The following WWC1 variants were observed in gnomAD, a reference collection of about 807,000 sequenced individuals.
The protein encoded by WWC1 is protein KIBRA.
In WWC1, 55 loss-of-function variants were observed where a neutral mutation model predicts 138.4. The ratio of observed to expected loss-of-function variants is 0.40; its 90% CI spans 0.32 to 0.50. The LOEUF is 0.50. Ranked by LOEUF, WWC1 falls within the 20% of genes least tolerant of loss-of-function variation. The pLI, the probability that WWC1 is intolerant of heterozygous loss-of-function variation, is 0.72. For synonymous variants in WWC1, 524 were observed against 564.9 expected (o/e 0.93, Z 1.03); for missense variants, 1,226 against 1,420.4 (o/e 0.86, Z 2.20).
chr5:168,343,007 A>C (rs1394341704), intron 1 of WWC1, among the ~76,000 whole-genome samples: 1 of 152,108 alleles, frequency 6.6e-6, no homozygotes, highest in Non-Finnish European at 1.5e-5. Flanking sequence ...CCAAGGAAGG[A>C]TTGGGCTCCC....
Position 168,414,658 on chromosome 5 carries a change from G to C in WWC1, c.1184+68G>C, listed in dbSNP as rs1780467184. 3 of 1,475,316 alleles carry C rather than the reference G, an allele frequency of 2.0e-6. No homozygotes were observed. In the Admixed American group the frequency reaches 7.6e-5, roughly 37 times the overall value. 91.4% of individuals were successfully genotyped at this position (1,475,316 alleles called of 1,614,324 possible). A position where few individuals can be genotyped will look rare whatever the true frequency, so the allele number is the denominator to read the frequency against. On this transcript the variant is annotated intron_variant, in intron 9 of 22. Transcript: ENST00000265293. ...GGCAGTCTGTCCTCAGCCCCCAGAT[G>C]GGGGAAGAATGAGGGGGCTCCGGGC...
rs1379097181 is a variant in WWC1, at chr5:168,408,546, G to A, written c.760G>A (p.Gly254Arg). ...MLKDGFRTDR[G>R]SHSDLWSSSS... ...GAAGGACGGCTTCCGCACTGACAGG[G>A]GGTCTCACTCAGACCTGTGGTCCAG... is the stretch of plus-strand genomic sequence containing the variant. The change falls in exon 7 of 23, where the codon GGG becomes AGG. Residue 254 changes from glycine (G) to arginine (R), a missense_variant. Coordinates refer to ENST00000265293, the MANE Select transcript of WWC1 (RefSeq NM_015238.3). 2 of 1,614,170 alleles carry A rather than the reference G, an allele frequency of 1.2e-6. No homozygotes were observed. The highest frequency in any genetic ancestry group is 1.1e-5 in the South Asian group (1 of 91,080).
At position 168,430,680 on chromosome 5, in the gene WWC1, G is replaced by A. The variant is rs147200841; in HGVS notation, c.2087+457G>A. ...GCTTCTCTTGGAGGGGTGTGACTGCGTGTTACCTTGATGCTGGTAGGATGC... is the reference window on the plus strand; with the variant it reads ...GCTTCTCTTGGAGGGGTGTGACTGCATGTTACCTTGATGCTGGTAGGATGC... On this transcript the variant is annotated intron_variant, in intron 14 of 22. Coordinates refer to ENST00000265293, the MANE Select transcript of WWC1 (RefSeq NM_015238.3). Among the ~76,000 whole-genome samples the A allele has an allele frequency of 1.1e-3, 174 of 152,312 alleles. 4 individuals are homozygous for A. The East Asian group carries it at 0.029, about 25-fold the overall frequency.
intron 1 of WWC1, among the ~76,000 whole-genome samples, chr5:168,342,028 T>C (rs1045158834): frequency 2.0e-4 from 31 of 152,098 alleles, no homozygotes; most frequent in Admixed American, 9.8e-4. Flanking sequence ...GCATGTGTAA[T>C]GGGAGGAAAC....
chr5:168,467,987 C>T, intron 22 of WWC1, 23 bp downstream of exon 22: 2 of 1,613,226 alleles, frequency 1.2e-6, no homozygotes, highest in African/African-American at 1.3e-5. Context: ...CCCCGGCAGC[C>T]CCCCATCCCT....
intron 1 of WWC1, among the ~76,000 whole-genome samples, chr5:168,362,386 C>T (rs143330386): frequency 1.6e-4 from 25 of 152,260 alleles, no homozygotes; most frequent in Non-Finnish European, 2.9e-4. Flanking sequence ...TGTCCAAGGT[C>T]ACACAGCTAG....
intron 1 of WWC1, among the ~76,000 whole-genome samples, chr5:168,326,216 CTTTT>C (rs796347858): frequency 3.5e-5 from 4 of 113,274 alleles, no homozygotes. Flanking sequence ...ACCTGATAGT[CTTTT>C]TTTTTTTTTT....
intron 1 of WWC1, among the ~76,000 whole-genome samples, chr5:168,341,222 C>T (rs1200686996): frequency 6.6e-6 from 1 of 152,146 alleles, no homozygotes; most frequent in Admixed American, 6.5e-5. Flanking sequence ...TTGTCATCAT[C>T]AGAGTGGCCA....
chr5:168,333,000 T>C (rs1304100213), intron 1 of WWC1, among the ~76,000 whole-genome samples: 3 of 152,238 alleles, frequency 2.0e-5, no homozygotes, highest in Non-Finnish European at 4.4e-5. Flanking sequence ...TGAGCCACTG[T>C]GCCTGGCCAT....
intron 3 of WWC1, among the ~76,000 whole-genome samples, chr5:168,390,164 T>C (rs559846196): frequency 6.6e-6 from 1 of 152,308 alleles, no homozygotes; most frequent in Non-Finnish European, 1.5e-5. Context: ...ATAAAATCAA[T>C]CTAATCATAG....
chr5:168,321,606 C>T (rs976160817), intron 1 of WWC1, among the ~76,000 whole-genome samples: 6 of 150,698 alleles, frequency 4.0e-5, no homozygotes, highest in African/African-American at 1.5e-4. Context: ...GACACGATCT[C>T]GGCCCACTGC....
rs529629209 is a variant in WWC1 at position 168,319,897 on chromosome 5, G to A, written c.119+27626G>A. On this transcript the variant is annotated intron_variant, in intron 1 of 22. Transcript: ENST00000265293. ...TGCAGAAGGGTTCCAATTTCTCCAC[G>A]TCATCATCAACACTTATTATTGTTT... Among the ~76,000 whole-genome samples the A allele has an allele frequency of 2.8e-4, 42 of 152,164 alleles. 1 individual carries two copies. In the South Asian group the frequency reaches 7.7e-3, roughly 28 times the overall value.
intron 5 of WWC1, among the ~76,000 whole-genome samples, chr5:168,405,973 T>C (rs1020642640): frequency 2.6e-5 from 4 of 152,094 alleles, no homozygotes; most frequent in African/African-American, 9.7e-5. Flanking sequence ...GTGATCCACC[T>C]GCCTTGGCCT....
rs1382949224 is a variant in WWC1 at position 168,441,880 on chromosome 5, G to A, written c.2433+46G>A. The A allele has an allele frequency of 2.5e-6, 4 of 1,588,110 alleles. No individual in the cohort carries two copies. The Admixed American group carries it at 5.2e-5, about 21-fold the overall frequency. On this transcript the variant is annotated intron_variant, in intron 16 of 22. Coordinates refer to ENST00000265293, the MANE Select transcript of WWC1 (RefSeq NM_015238.3). The stretch of plus-strand genomic sequence containing the variant: ...CCACCTTCCCACAAGGCCGCACCCG[G>A]ATGTTGGAAGGGAAAGCCTCTCCCA...
chr5:168,359,036 GTGTGTGTGT>G (rs1561655014), intron 1 of WWC1, among the ~76,000 whole-genome samples: 29 of 16,882 alleles, frequency 1.7e-3, no homozygotes, highest in Non-Finnish European at 2.9e-3. Flanking sequence ...GTGGTGGGGT[GTGTGTGTGT>G]GTGTGTGTGT....
At chr5:168,435,468 T>G (rs1341439669) in intron 15 of WWC1, among the ~76,000 whole-genome samples, 1 of 152,168 alleles carries the variant, frequency 6.6e-6, no homozygotes, top group African/African-American at 2.4e-5. Context: ...TGGAGTGCAG[T>G]GCTGTGAACT....
chr5:168,379,227 A>G (rs928251526), intron 2 of WWC1, among the ~76,000 whole-genome samples: 2 of 152,172 alleles, frequency 1.3e-5, no homozygotes, highest in African/African-American at 2.4e-5. Flanking sequence ...TTTAATTAAA[A>G]CAAGAACTAA....
At chr5:168,366,053 T>A in intron 1 of WWC1, among the ~76,000 whole-genome samples, 1 of 152,146 alleles carries the variant, frequency 6.6e-6, no homozygotes, top group East Asian at 1.9e-4. Context: ...TCTTCCCAGG[T>A]TGCATCCTTA....
chr5:168,468,889 C>A, intron 22 of WWC1, 62 bp from the exon 23 acceptor site: 1 of 1,565,528 alleles, frequency 6.4e-7, no homozygotes, highest in Non-Finnish European at 8.8e-7. Context: ...AATTATCCTG[C>A]CCAGAATCTC....
Sources: gnomAD v4.1 joint callset for allele counts (sites outside exome capture counted in the v4.1 genomes callset) on GRCh38, gnomAD v4.1.1 for gene constraint, MANE v1.5 for transcripts, NCBI Gene and HGNC (gene_info 2026-07-23, HGNC 2026-07-21) for gene names.